ITSN1: variants seen among roughly 807,000 people sequenced by gnomAD.
The protein encoded by ITSN1 is intersectin 1.
In ITSN1, 58 loss-of-function variants were observed where a neutral mutation model predicts 239.8. The ratio of observed to expected loss-of-function variants is 0.24; its 90% CI spans 0.20 to 0.30. ITSN1 has a LOEUF of 0.30. ITSN1 is among the 10% of genes least tolerant of loss of function. ITSN1 has a pLI of 1.00. For synonymous variants in ITSN1, 780 were observed against 770.8 expected, an observed-to-expected ratio of 1.01 and a Z score of -0.20; for missense variants, 1,558 against 2,103.3, an observed-to-expected ratio of 0.74 and a Z score of 5.07.
intron 4 of ITSN1, among the ~76,000 whole-genome samples, chr21:33,733,032 T>G (rs1204187167): frequency 1.3e-5 from 2 of 152,168 alleles, no homozygotes; most frequent in Admixed American, 6.5e-5. Context: ...CTAAGGCAGT[T>G]TTTGGATCCC....
intron 14 of ITSN1, among the ~76,000 whole-genome samples, chr21:33,777,875 G>C (rs903523986): frequency 6.6e-6 from 1 of 152,110 alleles, no homozygotes; most frequent in African/African-American, 2.4e-5. Context: ...GTTCCCTCTC[G>C]ATGAAGGAAA....
chr21:33,848,474 C>T (rs1323816495), intron 29 of ITSN1, among the ~76,000 whole-genome samples: 1 of 152,142 alleles, frequency 6.6e-6, no homozygotes, highest in Non-Finnish European at 1.5e-5. Context: ...GTCGCCTGAG[C>T]AGATTAGCGC....
chr21:33,793,450 A>G lies in ITSN1; in HGVS notation c.1825-891A>G, dbSNP rs2071305375. Among the ~76,000 whole-genome samples the G allele has an allele frequency of 3.3e-5, 5 of 152,344 alleles. No homozygotes were observed. In the South Asian group the frequency reaches 6.2e-4, roughly 19 times the overall value. The stretch of plus-strand genomic sequence containing the variant: ...CTCATCTGATTTATCGCTGGCCCAC[A>G]TAAGACGAGTTTCAGTGACTCAATC... On this transcript the variant is annotated intron_variant, in intron 16 of 39. Coordinates refer to ENST00000381318, the MANE Select transcript of ITSN1 (RefSeq NM_003024.3).
At chr21:33,734,076 A>G (rs2066349388) in intron 4 of ITSN1, among the ~76,000 whole-genome samples, 1 of 152,166 alleles carries the variant, frequency 6.6e-6, no homozygotes, top group Non-Finnish European at 1.5e-5. Flanking sequence ...GAACTGTCTT[A>G]TTTAGATCTT....
At position 33,897,892 on chromosome 21, in the gene ITSN1, A is replaced by G. The variant is rs1986872529; in HGVS notation, c.*9592A>G. ...AAAAAAATTCCAAGTTGTATATGTT[A>G]GAAATCAAATGAGTCATTTTTTTTC... On this transcript the variant is annotated 3_prime_UTR_variant, in exon 40 of 40. Coordinates refer to ENST00000381318, the MANE Select transcript of ITSN1 (RefSeq NM_003024.3). 1 of 151,632 alleles carries G rather than the reference A, an allele frequency of 6.6e-6. No homozygotes were observed. Among genetic ancestry groups the G allele is most frequent in the Admixed American group, 6.6e-5 (1 of 15,244 alleles). The allele number at this position is 151,632 out of a possible 1,614,324, so 9.4% of individuals were successfully genotyped here.
chr21:33,675,435 C>G (rs368180395), intron 1 of ITSN1, among the ~76,000 whole-genome samples: 2 of 152,018 alleles, frequency 1.3e-5, no homozygotes, highest in Non-Finnish European at 2.9e-5. Flanking sequence ...GGTGCAGTGG[C>G]GGGTGCTTGT....
intron 1 of ITSN1, among the ~76,000 whole-genome samples, chr21:33,658,792 A>T (rs2089305891): frequency 6.6e-6 from 1 of 152,178 alleles, no homozygotes; most frequent in Admixed American, 6.5e-5. Flanking sequence ...TTATTTATTG[A>T]TTACTTACTG....
At chr21:33,773,442 T>C (rs1272035809) in intron 12 of ITSN1, among the ~76,000 whole-genome samples, 1 of 152,156 alleles carries the variant, frequency 6.6e-6, no homozygotes, top group Non-Finnish European at 1.5e-5. Flanking sequence ...CCAATTTTAG[T>C]ACATTACTGC....
At chr21:33,695,409 G>C (rs1354087446) in intron 1 of ITSN1, among the ~76,000 whole-genome samples, 1 of 152,232 alleles carries the variant, frequency 6.6e-6, no homozygotes, top group African/African-American at 2.4e-5. Flanking sequence ...CTTTGTTAGA[G>C]AGGGAAATGT....
At chr21:33,646,164 A>G (rs8133982) in intron 1 of ITSN1, among the ~76,000 whole-genome samples, 18,967 of 152,248 alleles carry the variant, frequency 0.12, 1,327 homozygotes, top group East Asian at 0.26. Flanking sequence ...GATTTTATAA[A>G]TTAGGAGCCA....
At chr21:33,657,515 CA>C (rs1447535880) in intron 1 of ITSN1, among the ~76,000 whole-genome samples, 1 of 152,204 alleles carries the variant, frequency 6.6e-6, no homozygotes, top group East Asian at 1.9e-4. Context: ...TCTTCCACGG[CA>C]GTCATTTTCA....
In ITSN1 at chr21:33,856,392, C is replaced by T. The variant is rs115305014; in HGVS notation, c.3662-344C>T. On this transcript the variant is annotated intron_variant, in intron 29 of 39. Coordinates refer to ENST00000381318, the MANE Select transcript of ITSN1 (RefSeq NM_003024.3). The stretch of plus-strand genomic sequence containing the variant: ...GCAGGTGCCAGCCTCACTCTGAGGG[C>T]TCGGGGTGTGTCTTGGTTTGGAAAC... 8.9e-3 allele frequency among the ~76,000 whole-genome samples: 1,360 copies of T among 152,240 alleles called. 23 individuals carry two copies. The highest frequency in any genetic ancestry group is 0.031 in the African/African-American group (1,275 of 41,544).
At chr21:33,794,988 T>C (rs1394022957) in intron 17 of ITSN1, among the ~76,000 whole-genome samples, 2 of 152,246 alleles carry the variant, frequency 1.3e-5, no homozygotes, top group Non-Finnish European at 2.9e-5. Context: ...GATTTATTTG[T>C]GATATTTTTA....
chr21:33,864,305 C>T (rs1458682445), intron 31 of ITSN1, among the ~76,000 whole-genome samples: 1 of 152,208 alleles, frequency 6.6e-6, no homozygotes, highest in Non-Finnish European at 1.5e-5. Context: ...ACACCCATGG[C>T]TTCATGTTGT....
At chr21:33,650,750 A>T (rs997102430) in intron 1 of ITSN1, among the ~76,000 whole-genome samples, 1 of 152,240 alleles carries the variant, frequency 6.6e-6, no homozygotes, top group Non-Finnish European at 1.5e-5. Flanking sequence ...TGAAAAATTG[A>T]CAAGAAAATG....
chr21:33,694,486 A>G (rs1011625648), intron 1 of ITSN1, among the ~76,000 whole-genome samples: 10 of 152,152 alleles, frequency 6.6e-5, no homozygotes, highest in Non-Finnish European at 1.3e-4. Flanking sequence ...GAGTTTTGTT[A>G]TTGGGTAAAA....
chr21:33,784,221 C>T (rs1194333446), intron 16 of ITSN1, among the ~76,000 whole-genome samples: 5 of 151,890 alleles, frequency 3.3e-5, no homozygotes. Flanking sequence ...TGCCTGTAAT[C>T]CCAGCACTTT....
intron 30 of ITSN1, 146 bp from the exon 31 acceptor site, chr21:33,858,540 C>A (rs1979821203): frequency 3.9e-6 from 2 of 514,600 alleles, no homozygotes; most frequent in Non-Finnish European, 3.5e-6. Context: ...GCTTCAGAAA[C>A]TGCAGGAAAG....
chr21:33,813,170 T>C (rs1226713554), intron 21 of ITSN1, among the ~76,000 whole-genome samples: 1 of 151,924 alleles, frequency 6.6e-6, no homozygotes, highest in African/African-American at 2.4e-5. Context: ...TTTCCTCTCC[T>C]CCTTGTTCTT....
Sources: gnomAD v4.1 joint callset for allele counts (sites outside exome capture counted in the v4.1 genomes callset) on GRCh38, gnomAD v4.1.1 for gene constraint, MANE v1.5 for transcripts, NCBI Gene and HGNC (gene_info 2026-07-23, HGNC 2026-07-21) for gene names.